Variants in CARD19 observed in about 807,000 individuals in gnomAD.
CARD19 encodes caspase recruitment domain family member 19.
CARD19 carries 25 observed loss-of-function variants against 24.1 expected under a neutral mutation model. The observed-to-expected ratio is 1.04, with a 90% CI of 0.76 to 1.45. The LOEUF is 1.45. Among genes scored for constraint, CARD19 ranks in the 40% most tolerant of loss-of-function variants. CARD19 has a pLI of 0.00. For synonymous variants in CARD19, 103 were observed against 104.9 expected, an observed-to-expected ratio of 0.98 and a Z score of 0.11; for missense variants, 241 against 247.4, an observed-to-expected ratio of 0.97 and a Z score of 0.17.
At position 93,105,430 on chromosome 9, in the gene CARD19, G is replaced by A. The variant is rs1279538876; in HGVS notation, c.8-2244G>A. On this transcript the variant is annotated intron_variant, in intron 1 of 5. Coordinates refer to ENST00000375464, the MANE Select transcript of CARD19 (RefSeq NM_032310.5). Reference sequence around the variant, plus strand: ...CAGGTAGCTGGGATTACAAGCGTGCGCCAACATGCCCGGCTAAGTTTTGTA... The same window carrying A: ...CAGGTAGCTGGGATTACAAGCGTGCACCAACATGCCCGGCTAAGTTTTGTA... Among the ~76,000 whole-genome samples, 6 of 152,188 alleles carry A rather than the reference G, an allele frequency of 3.9e-5. No homozygotes were observed. The South Asian group carries it at 8.3e-4, about 21-fold the overall frequency.
chr9:93,098,647 G>A (rs546791182), intron 1 of CARD19, among the ~76,000 whole-genome samples: 73 of 152,314 alleles, frequency 4.8e-4, no homozygotes, highest in African/African-American at 1.7e-3. Context: ...TGGCTTCCAA[G>A]TGCTGCCTGT....
chr9:93,097,683 G>A (rs932250826), intron 1 of CARD19, among the ~76,000 whole-genome samples: 6 of 152,196 alleles, frequency 3.9e-5, no homozygotes, highest in African/African-American at 1.4e-4. Context: ...AGAGCCTGAG[G>A]CCTTGCTGTC....
intron 1 of CARD19, among the ~76,000 whole-genome samples, chr9:93,102,053 C>T (rs897198161): frequency 3.3e-5 from 5 of 151,728 alleles, no homozygotes; most frequent in African/African-American, 1.2e-4. Context: ...CTTCCACCTC[C>T]TGGGTTCAAG....
chr9:93,101,365 C>T (rs1187797126), intron 1 of CARD19, among the ~76,000 whole-genome samples: 4 of 152,138 alleles, frequency 2.6e-5, no homozygotes, highest in Admixed American at 2.6e-4. Context: ...AGGTGTGAGC[C>T]ACCACCCTCG....
chr9:93,110,720 G>T lies in CARD19; in HGVS notation c.303G>T (p.Leu101=). The part of the protein sequence containing the change: ...LHSRLPSRHA[L]QNSDCTELDS... ...GCCGCCTGCCCAGCCGCCACGCTCT[G>T]CGTAAGTTCCACATCACCAACCATG... is the stretch of plus-strand genomic sequence containing the variant. Residue 101 remains leucine (L), a splice_region_variant and synonymous_variant, in exon 3 of 6, where the codon CTG becomes CTT. Coordinates refer to ENST00000375464, the MANE Select transcript of CARD19 (RefSeq NM_032310.5). 3 of 1,609,996 alleles carry T rather than the reference G, an allele frequency of 1.9e-6. No individual in the cohort carries two copies. Among genetic ancestry groups the T allele is most frequent in the Non-Finnish European group, 2.5e-6 (3 of 1,179,590 alleles).
intron 2 of CARD19, chr9:93,110,231 G>T (rs955854882): frequency 1.9e-5 from 5 of 256,832 alleles, no homozygotes; most frequent in Non-Finnish European, 3.0e-5. Flanking sequence ...TCCTGACCTC[G>T]TGATCTGCCT....
chr9:93,110,996 C>A (rs1171301115), intron 3 of CARD19: 32 of 1,494,764 alleles, frequency 2.1e-5, no homozygotes, highest in Non-Finnish European at 2.9e-5. Context: ...CAGCATGGGG[C>A]ATCTTATACG....
intron 1 of CARD19, among the ~76,000 whole-genome samples, chr9:93,106,904 G>A (rs1437803447): frequency 2.0e-5 from 3 of 151,880 alleles, no homozygotes; most frequent in African/African-American, 4.8e-5. Context: ...ATGCCCTTCC[G>A]TCATCACTCC....
intron 1 of CARD19, among the ~76,000 whole-genome samples, chr9:93,106,027 A>G (rs896169482): frequency 6.6e-6 from 1 of 152,208 alleles, no homozygotes; most frequent in Admixed American, 6.5e-5. Flanking sequence ...ACTGTTACAT[A>G]TTATTGATGA....
At chr9:93,104,833 CTTCTTT>C (rs1827197537) in intron 1 of CARD19, among the ~76,000 whole-genome samples, 1 of 152,006 alleles carries the variant, frequency 6.6e-6, no homozygotes, top group Admixed American at 6.6e-5. Flanking sequence ...TAATTTGAGT[CTTCTTT>C]TTCTTTGTCA....
At position 93,110,571 on chromosome 9, in the gene CARD19, C is replaced by T. The variant is rs909678259; in HGVS notation, c.154C>T (p.Arg52Trp). 1.0e-5 allele frequency: 16 copies of T among 1,597,550 alleles called. No homozygotes were observed. Among genetic ancestry groups the T allele is most frequent in the Middle Eastern group, 1.7e-4 (1 of 5,990 alleles). The change falls in exon 3 of 6, where the codon CGG becomes TGG. Residue 52 changes from arginine (R) to tryptophan (W), a missense_variant. Transcript: ENST00000375464. ...ILTNKEAEKF[R>W]NPKASLRVRL... ...TGGCACCCCCTTGTACCCTCAGTTC[C>T]GGAACCCCAAGGCATCCTTGCGTGT... is the stretch of plus-strand genomic sequence containing the variant.
At position 93,107,723 on chromosome 9, in the gene CARD19, C is replaced by A. The variant is rs34200537; in HGVS notation, c.57C>A (p.Gly19=). 2.6e-3 allele frequency: 4,222 copies of A among 1,614,184 alleles called. 98 individuals carry two copies. In the African/African-American group the frequency reaches 0.05, roughly 19 times the overall value. The stretch of plus-strand genomic sequence containing the variant: ...TGCAGGACACGCCTTTCCTGACAGG[C>A]CATGGGCGCTTGAGTGAGCAGCAGG... The part of the protein sequence containing the change: ...RLVQDTPFLT[G]HGRLSEQQVD... The change falls in exon 2 of 6, where the codon GGC becomes GGA. Residue 19 remains glycine, a synonymous_variant. Coordinates refer to ENST00000375464, the MANE Select transcript of CARD19 (RefSeq NM_032310.5).
chr9:93,096,477 T>G lies in CARD19; in HGVS notation c.7+125T>G. On this transcript the variant is annotated intron_variant, in intron 1 of 5. Coordinates refer to ENST00000375464, the MANE Select transcript of CARD19 (RefSeq NM_032310.5). The surrounding 1 kb of genome is among the most constrained non-coding windows in gnomAD (Gnocchi z 5.4). ...CTGGGCAGCGGGGGCCGAGTGACCT[T>G]GGCCCGTCAGCTGTCGGTGGTGCGC... is the stretch of plus-strand genomic sequence containing the variant. 1 of 913,856 alleles carries G rather than the reference T, an allele frequency of 1.1e-6. No individual in the cohort carries two copies. The highest frequency in any genetic ancestry group is 1.4e-6 in the Non-Finnish European group (1 of 702,290). The allele number at this position is 913,856 out of a possible 1,614,324, so 56.6% of individuals were successfully genotyped here.
chr9:93,108,435 C>G (rs1046422749), intron 2 of CARD19, among the ~76,000 whole-genome samples: 1 of 152,196 alleles, frequency 6.6e-6, no homozygotes. Context: ...CAGTCTGCCC[C>G]TCTCAGCAGT....
intron 3 of CARD19, 27 bp from the exon 4 acceptor site, chr9:93,111,852 A>G (rs780392980): frequency 1.3e-5 from 21 of 1,608,182 alleles, no homozygotes; most frequent in Admixed American, 1.7e-5. Flanking sequence ...CCCGTTGACT[A>G]ACTATGCTCT....
intron 3 of CARD19, chr9:93,111,172 GGT>G: frequency 8.3e-7 from 1 of 1,200,058 alleles, no homozygotes; most frequent in Non-Finnish European, 1.1e-6. Flanking sequence ...CACACGTGTG[GGT>G]GTTTCCATAG....
At chr9:93,100,326 T>C (rs1176056405) in intron 1 of CARD19, among the ~76,000 whole-genome samples, 2 of 152,238 alleles carry the variant, frequency 1.3e-5, no homozygotes, top group Non-Finnish European at 2.9e-5. Flanking sequence ...TTTGGTTTTT[T>C]CTTTGAGACA....
chr9:93,112,123 G>T, intron 4 of CARD19, 95 bp from the exon 5 acceptor site: 1 of 1,391,770 alleles, frequency 7.2e-7, no homozygotes. Context: ...CAGCACCTCA[G>T]CCTGGCACCC....
rs1412090678 is a variant in CARD19, at chr9:93,112,174, C to T, written c.365-44C>T. ...GCCCCCAGGCCTCAGGACCCCACCC[C>T]TCTGAGGCCCAGGGGAGCCCTGTTC... On this transcript the variant is annotated intron_variant, in intron 4 of 5. Coordinates refer to ENST00000375464, the MANE Select transcript of CARD19 (RefSeq NM_032310.5). The T allele has an allele frequency of 7.2e-6, 11 of 1,529,598 alleles. No homozygotes were observed. The East Asian group carries it at 2.4e-4, about 34-fold the overall frequency. The allele number at this position is 1,529,598 out of a possible 1,614,324, so 94.8% of individuals were successfully genotyped here.
Sources: gnomAD v4.1 joint callset for allele counts (sites outside exome capture counted in the v4.1 genomes callset) on GRCh38, gnomAD v4.1.1 for gene constraint, Gnocchi (gnomAD v3.1) non-coding constraint, MANE v1.5 for transcripts, NCBI Gene and HGNC (gene_info 2026-07-23, HGNC 2026-07-21) for gene names.